Variants in KIFC3 observed in about 807,000 individuals in gnomAD.
KIFC3 encodes kinesin family member C3.
KIFC3 carries 60 observed loss-of-function variants against 101.8 expected under a neutral mutation model. The ratio of observed to expected loss-of-function variants is 0.59; its 90% CI spans 0.48 to 0.73. KIFC3 has a LOEUF of 0.73. KIFC3 is among the 30% of genes least tolerant of loss of function. The pLI is 0.00. For synonymous variants in KIFC3, 476 were observed against 482.7 expected (o/e 0.99, Z 0.18); for missense variants, 966 against 1,137.1 (o/e 0.85, Z 2.16).
intron 1 of KIFC3, chr16:57,810,621 C>G: frequency 1.0e-6 from 1 of 984,634 alleles, no homozygotes; most frequent in African/African-American, 1.7e-5. Flanking sequence ...TTCCATCCAC[C>G]CCAGACAACC....
intron 1 of KIFC3, among the ~76,000 whole-genome samples, chr16:57,850,738 A>G (rs1201920497): frequency 2.0e-5 from 3 of 151,898 alleles, no homozygotes; most frequent in African/African-American, 4.8e-5. Context: ...GGCCTCCCAA[A>G]GTGCTAGTAT....
At position 57,760,740 on chromosome 16, in the gene KIFC3, G is replaced by A. The variant is rs185764293; in HGVS notation, c.2218C>T (p.Leu740Phe). 3 of 1,613,744 alleles carry A rather than the reference G, an allele frequency of 1.9e-6. No individual in the cohort carries two copies. Among genetic ancestry groups the A allele is most frequent in the African/African-American group, 1.3e-5 (1 of 75,048 alleles). The change falls in exon 16 of 20, where the codon CTC becomes TTC. Residue 740 changes from leucine (L) to phenylalanine (F), a missense_variant. By Grantham distance (22) the Leu-to-Phe change is conservative. Coordinates refer to ENST00000445690, the MANE Select transcript of KIFC3 (RefSeq NM_001130100.2). ...AAGGTCCTCACCTGTACCACCATGA[G>A]GGTCTTGCTGTCACCACTAAGCGAA... ...QDSLSGDSKT[L>F]MVVQVSPVEK...
At chr16:57,773,526 C>T (rs184712056) in intron 3 of KIFC3, among the ~76,000 whole-genome samples, 41 of 152,298 alleles carry the variant, frequency 2.7e-4, no homozygotes, top group Middle Eastern at 3.4e-3. Context: ...CACCAGTGCA[C>T]GCTTATAATC....
At chr16:57,816,820 C>T (rs782002413) in intron 1 of KIFC3, 3 of 450,618 alleles carry the variant, frequency 6.7e-6, no homozygotes, top group South Asian at 4.7e-5. Context: ...ACCCATCCCA[C>T]CCCCAGTAAG....
chr16:57,831,965 A>G (rs1028228042), intron 1 of KIFC3, among the ~76,000 whole-genome samples: 1 of 152,214 alleles, frequency 6.6e-6, no homozygotes, highest in Admixed American at 6.5e-5. Flanking sequence ...TGAATTAAAC[A>G]TAAACATTTG....
intron 2 of KIFC3, among the ~76,000 whole-genome samples, chr16:57,795,531 G>A (rs2054219602): frequency 6.6e-6 from 1 of 152,308 alleles, no homozygotes; most frequent in South Asian, 2.1e-4. Flanking sequence ...TTATTACCCC[G>A]GCTGCCTCTA....
chr16:57,760,658 A>T, intron 16 of KIFC3, 68 bp downstream of exon 16: 1 of 1,401,774 alleles, frequency 7.1e-7, no homozygotes. Context: ...GCCTGGGGTG[A>T]CTGGGTCTCA....
At chr16:57,786,422 G>C (rs1420560685) in intron 3 of KIFC3, among the ~76,000 whole-genome samples, 5 of 152,112 alleles carry the variant, frequency 3.3e-5, no homozygotes, top group Admixed American at 1.3e-4. Context: ...ACCTGTGCAC[G>C]GGGCCTGGGA....
intron 1 of KIFC3, among the ~76,000 whole-genome samples, chr16:57,857,330 G>T (rs1464382478): frequency 2.0e-5 from 3 of 151,484 alleles, no homozygotes; most frequent in Non-Finnish European, 4.4e-5. Context: ...ACTTCAGCTT[G>T]GCCTCCTGAG....
chr16:57,786,162 G>A (rs1305739575), intron 3 of KIFC3, among the ~76,000 whole-genome samples: 4 of 152,130 alleles, frequency 2.6e-5, no homozygotes, highest in Non-Finnish European at 4.4e-5. Context: ...CAGGGGAGCC[G>A]TGTGTATGTG....
Position 57,841,215 on chromosome 16 carries a change from A to AT in KIFC3, c.108+21513dup, listed in dbSNP as rs567056930. On this transcript the variant is annotated intron_variant, in intron 1 of 2. Coordinates refer to the KIFC3 transcript ENST00000563028. ...AGGACATGGAGGGATGGGTGGCTGA[A>AT]TTTTTTCCAGCTCTTGAAGTAGGGA... Among the ~76,000 whole-genome samples the AT allele has an allele frequency of 1.2e-3, 176 of 152,238 alleles. 1 individual carries two copies. The highest frequency in any genetic ancestry group is 4.0e-3 in the African/African-American group (166 of 41,526).
At chr16:57,770,093 G>T in intron 7 of KIFC3, 138 bp from the exon 8 acceptor site, 1 of 1,090,946 alleles carries the variant, frequency 9.2e-7, no homozygotes, top group Non-Finnish European at 1.3e-6. Flanking sequence ...CAGAGGGGCA[G>T]AATGGCCTTG....
intron 1 of KIFC3, chr16:57,798,758 T>G: frequency 5.6e-6 from 1 of 179,908 alleles, no homozygotes. Flanking sequence ...CTCTGAATAT[T>G]AACATTTCAC....
chr16:57,771,107 TTC>T (rs1289189303), intron 6 of KIFC3, 89 bp downstream of exon 6: 17 of 1,486,982 alleles, frequency 1.1e-5, no homozygotes, highest in Non-Finnish European at 1.5e-5. Context: ...CACCTACCTA[TTC>T]ACCAGGACAA....
At chr16:57,794,806 C>T (rs1007470187) in intron 3 of KIFC3, among the ~76,000 whole-genome samples, 193 bp downstream of exon 3, 14 of 152,160 alleles carry the variant, frequency 9.2e-5, no homozygotes, top group Non-Finnish European at 1.6e-4. Context: ...CCTGTCAGCT[C>T]CTATGAGATT....
At position 57,762,243 on chromosome 16, in the gene KIFC3, G is replaced by T. The variant is rs1437496400; in HGVS notation, c.1645C>A (p.Gln549Lys). The change falls in exon 13 of 20, where the codon CAG (glutamine) becomes AAG (lysine). Residue 549 changes from glutamine to lysine, a missense_variant. Physicochemically the swap from Gln to Lys is moderately conservative, Grantham distance 53 (BLOSUM62 1). Around this residue, in one of 2 missense-constraint regions of KIFC3, gnomAD observed 689 missense variants for 884.6 expected, o/e 0.78. Transcript: ENST00000445690. ...EGTAENPGINQRALQLLFSEV... is the reference protein window; with the variant it reads ...EGTAENPGINKRALQLLFSEV... Reference sequence around the variant, plus strand: ...GAGAAGAGCAGCTGCAGGGCCCGCTGGTTGATACCTGGGTTCTCAGCGGTC... The same window carrying T: ...GAGAAGAGCAGCTGCAGGGCCCGCTTGTTGATACCTGGGTTCTCAGCGGTC... The T allele has an allele frequency of 8.2e-6, 13 of 1,591,418 alleles. No individual in the cohort carries two copies. The highest frequency in any genetic ancestry group is 1.0e-5 in the Non-Finnish European group (12 of 1,170,250).
intron 1 of KIFC3, among the ~76,000 whole-genome samples, chr16:57,854,906 C>A (rs1169817552): frequency 2.0e-5 from 3 of 152,036 alleles, no homozygotes; most frequent in Non-Finnish European, 4.4e-5. Flanking sequence ...CAACACACTT[C>A]TAAATAATCC....
chr16:57,767,012 G>A (rs782807834), intron 9 of KIFC3, 27 bp from the exon 10 acceptor site: 2 of 1,582,190 alleles, frequency 1.3e-6, no homozygotes, highest in African/African-American at 1.3e-5. Context: ...ACCACTGTCA[G>A]GGGGACGGCT....
intron 3 of KIFC3, among the ~76,000 whole-genome samples, chr16:57,791,848 C>T (rs1445517573): frequency 1.3e-5 from 2 of 152,200 alleles, no homozygotes; most frequent in Non-Finnish European, 2.9e-5. Flanking sequence ...TCTCACCAGA[C>T]CTGCTTTTCT....
Sources: gnomAD v4.1 joint callset for allele counts (sites outside exome capture counted in the v4.1 genomes callset) on GRCh38, gnomAD v4.1.1 for gene constraint, gnomAD v4.1.1 regional missense constraint, MANE v1.5 for transcripts, NCBI Gene and HGNC (gene_info 2026-07-23, HGNC 2026-07-21) for gene names.